Variants in MAF observed in about 807,000 individuals in gnomAD.
The protein encoded by MAF is transcription factor Maf.
MAF carries 10 observed loss-of-function variants against 22.0 expected under a neutral mutation model. That is an observed-to-expected ratio of 0.45 (90% confidence interval 0.28 to 0.77). The LOEUF is 0.77. MAF is among the 30% of genes least tolerant of loss of function. The pLI, the probability that MAF is intolerant of heterozygous loss-of-function variation, is 0.12. For missense variants in MAF, 544 were observed against 548.4 expected (o/e 0.99, Z 0.08); for synonymous variants, 337 against 255.8 (o/e 1.32, Z -3.03).
the MAF span, among the ~76,000 whole-genome samples, chr16:79,347,101 A>G: frequency 6.6e-6 from 1 of 152,226 alleles, no homozygotes; most frequent in Non-Finnish European, 1.5e-5. Context: ...AGGGCTCTCA[A>G]CAAATGCTTC....
At chr16:79,487,989 C>A in the MAF span, among the ~76,000 whole-genome samples, 2 of 152,212 alleles carry the variant, frequency 1.3e-5, no homozygotes, top group Non-Finnish European at 2.9e-5. Flanking sequence ...GCCTGTCAAT[C>A]CATTTATCTG....
At chr16:79,209,663 A>G in the MAF span, among the ~76,000 whole-genome samples, 2 of 152,214 alleles carry the variant, frequency 1.3e-5, no homozygotes, top group South Asian at 2.1e-4. Flanking sequence ...ACAAAACACC[A>G]TCTCCACCAG....
chr16:79,433,119 G>T, the MAF span, among the ~76,000 whole-genome samples: 1 of 151,958 alleles, frequency 6.6e-6, no homozygotes, highest in African/African-American at 2.4e-5. Flanking sequence ...CACATATCAT[G>T]GTCCCTTTGC....
At chr16:79,544,863 A>G in the MAF span, among the ~76,000 whole-genome samples, 1 of 152,092 alleles carries the variant, frequency 6.6e-6, no homozygotes, top group African/African-American at 2.4e-5. Context: ...ACATTCATTC[A>G]TGTTTGGTAA....
At chr16:79,413,631 T>A in the MAF span, among the ~76,000 whole-genome samples, 1 of 152,282 alleles carries the variant, frequency 6.6e-6, no homozygotes, top group African/African-American at 2.4e-5. Context: ...AGAGTTATTA[T>A]AAGCATTAGA....
the MAF span, among the ~76,000 whole-genome samples, chr16:79,260,864 A>G: frequency 1.3e-5 from 2 of 152,258 alleles, no homozygotes; most frequent in African/African-American, 4.8e-5. Flanking sequence ...CTTTTAAAGA[A>G]AACTATTTGT....
chr16:79,301,004 G>C, the MAF span, among the ~76,000 whole-genome samples: 1 of 151,956 alleles, frequency 6.6e-6, no homozygotes, highest in African/African-American at 2.4e-5. Context: ...GAATAAAAGA[G>C]AGGAAAGGGA....
chr16:79,273,844 C>T, the MAF span, among the ~76,000 whole-genome samples: 3 of 151,914 alleles, frequency 2.0e-5, no homozygotes, highest in Non-Finnish European at 4.4e-5. Context: ...AGCATATTCA[C>T]AGGTTCTAGG....
chr16:79,208,543 G>T, the MAF span, among the ~76,000 whole-genome samples: 1 of 152,128 alleles, frequency 6.6e-6, no homozygotes, highest in South Asian at 2.1e-4. Flanking sequence ...CCTTTAGATG[G>T]CTCTTTCATC....
the MAF span, among the ~76,000 whole-genome samples, chr16:79,329,631 C>A: frequency 6.6e-6 from 1 of 152,092 alleles, no homozygotes; most frequent in Non-Finnish European, 1.5e-5. Flanking sequence ...ACGGTGTCTT[C>A]CCCCATCTGA....
chr16:79,456,115 C>A, the MAF span, among the ~76,000 whole-genome samples: 1 of 152,174 alleles, frequency 6.6e-6, no homozygotes, highest in Non-Finnish European at 1.5e-5. Flanking sequence ...GAGTTAAACG[C>A]TGCCCATGTC....
At chr16:79,566,350 C>T in the MAF span, among the ~76,000 whole-genome samples, 16 of 152,226 alleles carry the variant, frequency 1.1e-4, no homozygotes, top group Admixed American at 5.9e-4. Flanking sequence ...AGGGAATGGT[C>T]GGAGGGGCCT....
At chr16:79,307,927 C>A in the MAF span, among the ~76,000 whole-genome samples, 3 of 152,220 alleles carry the variant, frequency 2.0e-5, no homozygotes, top group Non-Finnish European at 4.4e-5. Context: ...CCCTTTGACT[C>A]ACTCATCTTT....
chr16:79,589,023 G>A (rs578043474), downstream of MAF, among the ~76,000 whole-genome samples: 2 of 152,224 alleles, frequency 1.3e-5, no homozygotes, highest in East Asian at 1.9e-4. Flanking sequence ...ATACTGACAT[G>A]TTTGTTTTAG....
At chr16:79,288,939 A>G in the MAF span, among the ~76,000 whole-genome samples, 1 of 152,324 alleles carries the variant, frequency 6.6e-6, no homozygotes, top group Admixed American at 6.5e-5. Context: ...CATGTTGGCC[A>G]GGCTGGTCTT....
the MAF span, among the ~76,000 whole-genome samples, chr16:79,328,573 G>A: frequency 6.6e-6 from 1 of 152,330 alleles, no homozygotes; most frequent in Non-Finnish European, 1.5e-5. Flanking sequence ...ATTCTCTTCA[G>A]AGCCTAAAAT....
chr16:79,395,736 T>C, the MAF span, among the ~76,000 whole-genome samples: 1 of 152,134 alleles, frequency 6.6e-6, no homozygotes, highest in East Asian at 1.9e-4. Flanking sequence ...GGACTTCTGG[T>C]TCCCCAAGCT....
the MAF span, among the ~76,000 whole-genome samples, chr16:79,346,923 G>C: frequency 6.6e-6 from 1 of 152,118 alleles, no homozygotes; most frequent in Non-Finnish European, 1.5e-5. Flanking sequence ...ATCCCATTAG[G>C]TTTATTTTTT....
At chr16:79,308,182 G>A in the MAF span, among the ~76,000 whole-genome samples, 1 of 152,206 alleles carries the variant, frequency 6.6e-6, no homozygotes, top group Non-Finnish European at 1.5e-5. Flanking sequence ...ACGGATCACT[G>A]CAGCTGAATT....
Sources: gnomAD v4.1 joint callset for allele counts (sites outside exome capture counted in the v4.1 genomes callset) on GRCh38, gnomAD v4.1.1 for gene constraint, MANE v1.5 for transcripts, NCBI Gene and HGNC (gene_info 2026-07-23, HGNC 2026-07-21) for gene names.